Variants in FOXO3 observed in about 807,000 individuals in gnomAD.
FOXO3 encodes forkhead box protein O3.
In FOXO3, 4 loss-of-function variants were observed where a neutral mutation model predicts 41.9. The observed-to-expected ratio is 0.10, with a 90% CI of 0.05 to 0.22. FOXO3 has a LOEUF of 0.22. Ranked by LOEUF, FOXO3 falls within the 10% of genes least tolerant of loss-of-function variation. The pLI is 1.00. For missense variants in FOXO3, 534 were observed against 906.8 expected (o/e 0.59, Z 5.28); for synonymous variants, 318 against 389.3 (o/e 0.82, Z 2.16).
intron 1 of FOXO3, among the ~76,000 whole-genome samples, chr6:108,613,232 G>A (rs1777410236): frequency 6.6e-6 from 1 of 152,140 alleles, no homozygotes; most frequent in Non-Finnish European, 1.5e-5. Flanking sequence ...CCTGTTTTTG[G>A]TACCAGGGTA....
chr6:108,569,927 T>C (rs939892213), intron 1 of FOXO3, among the ~76,000 whole-genome samples: 1 of 150,868 alleles, frequency 6.6e-6, no homozygotes, highest in African/African-American at 2.4e-5. Flanking sequence ...GGAATTTGTT[T>C]GAAAACCATT....
chr6:108,614,993 C>T (rs1223712968), intron 1 of FOXO3, among the ~76,000 whole-genome samples: 3 of 152,058 alleles, frequency 2.0e-5, no homozygotes, highest in Non-Finnish European at 4.4e-5. Context: ...GATAGTCAAT[C>T]TTCTGCCACT....
At chr6:108,662,276 T>C (rs1778888946) in intron 1 of FOXO3, among the ~76,000 whole-genome samples, 1 of 152,230 alleles carries the variant, frequency 6.6e-6, no homozygotes, top group African/African-American at 2.4e-5. Context: ...CATCATGTCA[T>C]ATCAAGGGTA....
At chr6:108,621,342 T>G (rs926152550) in intron 1 of FOXO3, among the ~76,000 whole-genome samples, 3 of 152,198 alleles carry the variant, frequency 2.0e-5, no homozygotes, top group African/African-American at 7.2e-5. Context: ...AACTGCCTGC[T>G]GTGTGAGTCT....
chr6:108,613,613 C>T (rs74570093), intron 1 of FOXO3, among the ~76,000 whole-genome samples: 1 of 152,076 alleles, frequency 6.6e-6, no homozygotes, highest in Non-Finnish European at 1.5e-5. Flanking sequence ...TGTCTTAACT[C>T]CCTTTCCCCC....
intron 1 of FOXO3, among the ~76,000 whole-genome samples, chr6:108,631,222 A>G (rs188968660): frequency 6.6e-6 from 1 of 152,252 alleles, no homozygotes; most frequent in East Asian, 1.9e-4. Context: ...ACCTGGGGAA[A>G]TAGTGGCAAG....
intron 1 of FOXO3, among the ~76,000 whole-genome samples, chr6:108,639,084 C>A (rs1037406964): frequency 3.9e-5 from 6 of 152,104 alleles, no homozygotes; most frequent in African/African-American, 1.4e-4. Context: ...CGTTAATGGA[C>A]CCAGAGGAAA....
intron 1 of FOXO3, among the ~76,000 whole-genome samples, chr6:108,661,053 C>CT (rs901746353): frequency 3.9e-5 from 6 of 151,968 alleles, no homozygotes; most frequent in African/African-American, 1.5e-4. Flanking sequence ...GAGCGAGACT[C>CT]TATCTCAAAT....
chr6:108,637,619 CTTTAT>C (rs751234478), intron 1 of FOXO3, among the ~76,000 whole-genome samples: 13 of 152,274 alleles, frequency 8.5e-5, no homozygotes, highest in Non-Finnish European at 1.8e-4. Flanking sequence ...TTCTGGAAGA[CTTTAT>C]TTCCACCAAG....
At chr6:108,578,307 A>C (rs139589867) in intron 1 of FOXO3, among the ~76,000 whole-genome samples, 3 of 152,334 alleles carry the variant, frequency 2.0e-5, no homozygotes, top group African/African-American at 7.2e-5. Context: ...TTTTAAAGTC[A>C]TTTGCTAAGT....
intron 1 of FOXO3, among the ~76,000 whole-genome samples, chr6:108,607,249 C>G (rs994294402): frequency 2.6e-5 from 4 of 152,038 alleles, no homozygotes; most frequent in African/African-American, 9.7e-5. Context: ...CTCAGGAGTT[C>G]AAGACCAGCC....
At chr6:108,572,721 A>G (rs1776138294) in intron 1 of FOXO3, among the ~76,000 whole-genome samples, 1 of 151,988 alleles carries the variant, frequency 6.6e-6, no homozygotes, top group Non-Finnish European at 1.5e-5. Context: ...TAGCCTATTT[A>G]TACTAATAAT....
At chr6:108,628,464 C>G (rs188563426) in intron 1 of FOXO3, among the ~76,000 whole-genome samples, 8 of 152,222 alleles carry the variant, frequency 5.3e-5, no homozygotes, top group Admixed American at 2.6e-4. Flanking sequence ...TCCACAGTAA[C>G]CCATTTAAAA....
In FOXO3 at chr6:108,645,065, A is replaced by G. The variant is rs538436186; in HGVS notation, c.622-18390A>G. On this transcript the variant is annotated intron_variant, in intron 1 of 2. Transcript: ENST00000406360. ...CGGCCTCTCCAGTTCTTCCACCACCACTCTGGCCCTGATGTTATATGATAT... is the reference window on the plus strand; with the variant it reads ...CGGCCTCTCCAGTTCTTCCACCACCGCTCTGGCCCTGATGTTATATGATAT... Among the ~76,000 whole-genome samples, 3 of 152,126 alleles carry G rather than the reference A, an allele frequency of 2.0e-5. No homozygotes were observed. In the East Asian group the frequency reaches 5.8e-4, roughly 29 times the overall value.
chr6:108,621,264 A>T (rs1777655698), intron 1 of FOXO3, among the ~76,000 whole-genome samples: 1 of 152,192 alleles, frequency 6.6e-6, no homozygotes, highest in South Asian at 2.1e-4. Flanking sequence ...ACAGCAGTTC[A>T]TTCAGGCTGT....
intron 2 of FOXO3, among the ~76,000 whole-genome samples, chr6:108,673,085 C>T (rs1163638891): frequency 5.3e-5 from 8 of 152,196 alleles, no homozygotes; most frequent in African/African-American, 1.9e-4. Flanking sequence ...TACCGCCCAA[C>T]GTAGTTATAA....
At chr6:108,654,793 G>A (rs1778641000) in intron 1 of FOXO3, among the ~76,000 whole-genome samples, 1 of 151,280 alleles carries the variant, frequency 6.6e-6, no homozygotes, top group Non-Finnish European at 1.5e-5. Flanking sequence ...TTAGGCAAGA[G>A]TAGAGTGGAG....
At chr6:108,638,291 G>A (rs1452983299) in intron 1 of FOXO3, among the ~76,000 whole-genome samples, 2 of 152,184 alleles carry the variant, frequency 1.3e-5, no homozygotes, top group Non-Finnish European at 2.9e-5. Context: ...ACCAGAGCTT[G>A]TCCACTTTTC....
intron 1 of FOXO3, among the ~76,000 whole-genome samples, chr6:108,583,569 A>G (rs568814334): frequency 6.6e-6 from 1 of 152,350 alleles, no homozygotes; most frequent in Non-Finnish European, 1.5e-5. Context: ...GGCAACCCAT[A>G]TATTAAATAA....
Sources: gnomAD v4.1 joint callset for allele counts (sites outside exome capture counted in the v4.1 genomes callset) on GRCh38, gnomAD v4.1.1 for gene constraint, MANE v1.5 for transcripts, NCBI Gene and HGNC (gene_info 2026-07-23, HGNC 2026-07-21) for gene names.